The following SLC25A17 variants were observed in gnomAD, a reference collection of about 807,000 sequenced individuals.
SLC25A17 encodes the protein peroxisomal membrane protein PMP34.
SLC25A17 carries 26 observed loss-of-function variants against 38.5 expected under a neutral mutation model. The ratio of observed to expected loss-of-function variants is 0.68; its 90% CI spans 0.50 to 0.94. The LOEUF (loss-of-function observed/expected upper bound fraction) is 0.94. Among genes scored for constraint, SLC25A17 ranks in the 40% least tolerant of loss-of-function variants. The pLI is 0.00. For missense variants in SLC25A17, 333 were observed against 372.7 expected, an observed-to-expected ratio of 0.89 and a Z score of 0.88; for synonymous variants, 139 against 136.2, an observed-to-expected ratio of 1.02 and a Z score of -0.14.
intron 5 of SLC25A17, among the ~76,000 whole-genome samples, 154 bp from the exon 6 acceptor site, chr22:40,777,527 T>G (rs2057257414): frequency 1.3e-5 from 2 of 152,206 alleles, no homozygotes; most frequent in Admixed American, 6.5e-5. Context: ...CTCACGCCTG[T>G]AGTCCCAGCA....
rs1480933552 is a variant in SLC25A17, at chr22:40,770,525, A to G, written c.*309T>C. The G allele has an allele frequency of 1.5e-5, 3 of 201,960 alleles. No individual in the cohort carries two copies. The Admixed American group carries it at 1.8e-4, about 12-fold the overall frequency. The allele number at this position is 201,960 out of a possible 1,614,324, so 12.5% of individuals were successfully genotyped here. A position where few individuals can be genotyped will look rare whatever the true frequency, so the allele number is the denominator to read the frequency against. On this transcript the variant is annotated 3_prime_UTR_variant, in exon 9 of 9. Coordinates refer to ENST00000435456, the MANE Select transcript of SLC25A17 (RefSeq NM_006358.4). ...AAGATTTAAATAGAAAACATTACAC[A>G]TGAGAGCAAAATAGTCCATTTCTCT...
chr22:40,799,187 A>AGTGGCATGGTT (rs138307), intron 1 of SLC25A17, 104 bp from the exon 2 acceptor site: 478,019 of 731,056 alleles, frequency 0.65, 164,210 homozygotes, highest in African/African-American at 0.87. Flanking sequence ...GCTGGAGTGC[A>AGTGGCATGGTT]GTGGTTTACG....
intron 1 of SLC25A17, among the ~76,000 whole-genome samples, chr22:40,806,056 T>C (rs906535894): frequency 1.3e-5 from 2 of 152,192 alleles, no homozygotes; most frequent in Non-Finnish European, 2.9e-5. Context: ...CAAAGGTGAC[T>C]TGGAGCACCC....
intron 1 of SLC25A17, among the ~76,000 whole-genome samples, chr22:40,816,067 A>T (rs899935720): frequency 9.2e-5 from 14 of 152,020 alleles, no homozygotes; most frequent in South Asian, 4.2e-4. Flanking sequence ...ATGCCTGTAA[A>T]CCCAGCCACT....
At chr22:40,771,167 G>C (rs1044422492) in intron 8 of SLC25A17, among the ~76,000 whole-genome samples, 186 bp from the exon 9 acceptor site, 5 of 152,224 alleles carry the variant, frequency 3.3e-5, no homozygotes, top group African/African-American at 1.2e-4. Context: ...GAGTGCAGTG[G>C]CGCGATCTCG....
In SLC25A17 at chr22:40,816,937, T is replaced by C. The variant is rs191323908; in HGVS notation, c.54+2258A>G. Among the ~76,000 whole-genome samples the C allele has an allele frequency of 1.8e-4, 28 of 152,258 alleles. No homozygotes were observed. The East Asian group carries it at 3.9e-3, about 21-fold the overall frequency. On this transcript the variant is annotated intron_variant, in intron 1 of 8. Coordinates refer to ENST00000435456, the MANE Select transcript of SLC25A17 (RefSeq NM_006358.4). ...ATTCATTTATTGTCTGACTCCCCTA[T>C]TGCAATGCATAGTTCATGAAGAAAA...
At chr22:40,773,714 A>G (rs1345228907) in intron 8 of SLC25A17, among the ~76,000 whole-genome samples, 1 of 152,236 alleles carries the variant, frequency 6.6e-6, no homozygotes, top group Non-Finnish European at 1.5e-5. Flanking sequence ...AATATTTGTA[A>G]CTAACAAAGA....
At chr22:40,773,815 G>C (rs1180633439) in intron 8 of SLC25A17, 122 bp downstream of exon 8, 3 of 733,630 alleles carry the variant, frequency 4.1e-6, no homozygotes, top group Non-Finnish European at 7.4e-6. Flanking sequence ...CAGCAAGCAA[G>C]GGAAAGGTTT....
At chr22:40,772,866 T>C (rs1281321802) in intron 8 of SLC25A17, among the ~76,000 whole-genome samples, 1 of 152,172 alleles carries the variant, frequency 6.6e-6, no homozygotes, top group Non-Finnish European at 1.5e-5. Context: ...CTTGAACTCC[T>C]GGCCTCAAGC....
chr22:40,799,251 G>A (rs1016499123), intron 1 of SLC25A17, among the ~76,000 whole-genome samples, 168 bp from the exon 2 acceptor site: 3 of 151,810 alleles, frequency 2.0e-5, no homozygotes, highest in Non-Finnish European at 2.9e-5. Flanking sequence ...TTCTCAAGTA[G>A]TTGGGGTTAC....
rs2057172268 is a variant in SLC25A17 at position 40,770,673 on chromosome 22, G to A, written c.*161C>T. 1 of 554,054 alleles carries A rather than the reference G, an allele frequency of 1.8e-6. No homozygotes were observed. The highest frequency in any genetic ancestry group is 2.8e-6 in the Non-Finnish European group (1 of 352,204). The allele number at this position is 554,054 out of a possible 1,614,324, so 34.3% of individuals were successfully genotyped here. A position where few individuals can be genotyped will look rare whatever the true frequency, so the allele number is the denominator to read the frequency against. ...AGCATGACAATTAAGGTGACAACAG[G>A]TCCAGTTGGCCATACTCCCTGTGCA... On this transcript the variant is annotated 3_prime_UTR_variant, in exon 9 of 9. Transcript: ENST00000435456.
intron 1 of SLC25A17, among the ~76,000 whole-genome samples, chr22:40,806,039 G>C (rs2057526996): frequency 6.6e-6 from 1 of 152,208 alleles, no homozygotes. Flanking sequence ...ATGGGAACCT[G>C]ACATGCCAAA....
intron 7 of SLC25A17, among the ~76,000 whole-genome samples, chr22:40,775,185 C>T (rs1461071113): frequency 6.6e-6 from 1 of 152,190 alleles, no homozygotes; most frequent in African/African-American, 2.4e-5. Context: ...TCCTCACCTA[C>T]AGTTTCCCTG....
At chr22:40,816,967 CT>C (rs1413917515) in intron 1 of SLC25A17, among the ~76,000 whole-genome samples, 1 of 152,172 alleles carries the variant, frequency 6.6e-6, no homozygotes, top group Non-Finnish European at 1.5e-5. Flanking sequence ...AGAAAAAGAC[CT>C]TCTCTACTGT....
intron 5 of SLC25A17, 135 bp from the exon 6 acceptor site, chr22:40,777,508 T>C (rs936759567): frequency 3.8e-6 from 4 of 1,041,492 alleles, no homozygotes; most frequent in East Asian, 2.6e-5. Flanking sequence ...TTGCAGCCGG[T>C]TGCAATGGCT....
intron 7 of SLC25A17, among the ~76,000 whole-genome samples, chr22:40,775,456 T>G (rs1196629073): frequency 7.4e-5 from 4 of 54,070 alleles, no homozygotes; most frequent in African/African-American, 1.5e-4. Context: ...TTTTTTTTTT[T>G]TTTTTTTTTT....
Position 40,770,741 on chromosome 22 carries a change from G to T in SLC25A17, c.*93C>A. ...AGCCAATGAGGGTAACATTTGTGGT[G>T]GCAGGAGCCAGAGTCAAGGGAGAAT... On this transcript the variant is annotated 3_prime_UTR_variant, in exon 9 of 9. Transcript: ENST00000435456. 7.4e-7 allele frequency: 1 copy of T among 1,347,708 alleles called. No homozygotes were observed. Among genetic ancestry groups the T allele is most frequent in the Non-Finnish European group, 1.0e-6 (1 of 996,344 alleles). 83.5% of individuals were successfully genotyped at this position (1,347,708 alleles called of 1,614,324 possible).
At chr22:40,774,399 T>C (rs1258630200) in intron 7 of SLC25A17, among the ~76,000 whole-genome samples, 2 of 152,168 alleles carry the variant, frequency 1.3e-5, no homozygotes, top group Admixed American at 1.3e-4. Context: ...AATTTTTGTA[T>C]TTTTAGCAGA....
intron 5 of SLC25A17, 28 bp from the exon 6 acceptor site, chr22:40,777,401 A>T: frequency 6.2e-7 from 1 of 1,601,072 alleles, no homozygotes; most frequent in East Asian, 2.2e-5. Flanking sequence ...GACTTTTGAA[A>T]AGCATGATCA....
Sources: gnomAD v4.1 joint callset for allele counts (sites outside exome capture counted in the v4.1 genomes callset) on GRCh38, gnomAD v4.1.1 for gene constraint, MANE v1.5 for transcripts, NCBI Gene and HGNC (gene_info 2026-07-23, HGNC 2026-07-21) for gene names.